The following RALGAPA1 variants were observed in gnomAD, a reference collection of about 807,000 sequenced individuals.
The protein encoded by RALGAPA1 is Ral GTPase activating protein catalytic subunit alpha 1.
In RALGAPA1, 52 loss-of-function variants were observed where a neutral mutation model predicts 269.6. The observed-to-expected ratio is 0.19, with a 90% CI of 0.15 to 0.24. The LOEUF (loss-of-function observed/expected upper bound fraction) is 0.24. Ranked by LOEUF, RALGAPA1 falls within the 10% of genes least tolerant of loss-of-function variation. RALGAPA1 has a pLI of 1.00. For synonymous variants in RALGAPA1, 817 were observed against 1,008.3 expected (o/e 0.81, Z 3.60); for missense variants, 1,917 against 3,013.9 (o/e 0.64, Z 8.52).
chr14:35,586,774 G>A (rs2058322836), intron 37 of RALGAPA1, among the ~76,000 whole-genome samples: 1 of 152,164 alleles, frequency 6.6e-6, no homozygotes, highest in African/African-American at 2.4e-5. Context: ...ATTGATTTGT[G>A]TATGTTGAAC....
intron 1 of RALGAPA1, among the ~76,000 whole-genome samples, chr14:35,799,959 G>C (rs1057451222): frequency 2.0e-5 from 3 of 152,116 alleles, no homozygotes; most frequent in African/African-American, 7.2e-5. Context: ...TAATATCAAA[G>C]TAGATTCCAA....
intron 35 of RALGAPA1, among the ~76,000 whole-genome samples, chr14:35,612,569 T>C (rs1421997144): frequency 4.0e-5 from 6 of 150,692 alleles, no homozygotes; most frequent in African/African-American, 9.7e-5. Flanking sequence ...GACAGAGTCT[T>C]GCTCTGTCGC....
chr14:35,649,309 A>C (rs567274160), intron 31 of RALGAPA1, among the ~76,000 whole-genome samples: 15 of 152,316 alleles, frequency 9.8e-5, no homozygotes, highest in Middle Eastern at 6.8e-3. Context: ...GATGATTTTA[A>C]TAATAATCAC....
intron 4 of RALGAPA1, among the ~76,000 whole-genome samples, chr14:35,770,100 T>C (rs2074503196): frequency 6.6e-6 from 1 of 152,126 alleles, no homozygotes; most frequent in African/African-American, 2.4e-5. Context: ...GGAAAGTTGG[T>C]TTAACATTTG....
At chr14:35,782,413 A>G (rs965793238) in intron 1 of RALGAPA1, among the ~76,000 whole-genome samples, 2 of 151,862 alleles carry the variant, frequency 1.3e-5, no homozygotes, top group East Asian at 1.9e-4. Flanking sequence ...GATTCAATGT[A>G]CTCTTTTTTT....
chr14:35,586,677 C>T (rs1032705891), intron 37 of RALGAPA1, among the ~76,000 whole-genome samples: 12 of 152,096 alleles, frequency 7.9e-5, no homozygotes, highest in African/African-American at 2.4e-4. Context: ...TGAATTTTGT[C>T]GAAGGCCTTT....
At chr14:35,721,161 A>G (rs1341297912) in intron 16 of RALGAPA1, among the ~76,000 whole-genome samples, 1 of 152,098 alleles carries the variant, frequency 6.6e-6, no homozygotes, top group Non-Finnish European at 1.5e-5. Context: ...CTTTGCTGCT[A>G]TTTCCCAGGT....
At chr14:35,703,060 CT>C (rs1197077901) in intron 16 of RALGAPA1, among the ~76,000 whole-genome samples, 5 of 152,062 alleles carry the variant, frequency 3.3e-5, no homozygotes, top group Admixed American at 2.0e-4. Flanking sequence ...ATAACAACTC[CT>C]TTTTTTCTTT....
At chr14:35,673,929 A>G (rs1464661187) in intron 24 of RALGAPA1, among the ~76,000 whole-genome samples, 1 of 152,176 alleles carries the variant, frequency 6.6e-6, no homozygotes, top group African/African-American at 2.4e-5. Flanking sequence ...CAAAGTTTAT[A>G]CTTCAGTTAA....
chr14:35,671,907 C>T (rs1256725000), intron 25 of RALGAPA1, among the ~76,000 whole-genome samples: 2 of 152,130 alleles, frequency 1.3e-5, no homozygotes, highest in East Asian at 1.9e-4. Flanking sequence ...TGACCCGTTA[C>T]GTGACAATTG....
rs184816800 is a variant in RALGAPA1 at position 35,783,418 on chromosome 14, C to T, written c.107-7673G>A. ...ACAGTTGAAAAGAATGAAGACTATA[C>T]TTGAAAAATTAACTCAAAATGGATC... On this transcript the variant is annotated intron_variant, in intron 1 of 41. Transcript: ENST00000680220. Among the ~76,000 whole-genome samples, 455 of 152,134 alleles carry T rather than the reference C, an allele frequency of 3.0e-3. 7 individuals are homozygous for T. The highest frequency in any genetic ancestry group is 0.011 in the African/African-American group (442 of 41,526).
At chr14:35,686,486 A>G in intron 19 of RALGAPA1, 56 bp downstream of exon 19, 1 of 1,455,976 alleles carries the variant, frequency 6.9e-7, no homozygotes, top group Middle Eastern at 2.5e-4. Context: ...ATAGGTATAT[A>G]TCTGTTAGTT....
At chr14:35,673,127 A>G (rs566472288) in intron 24 of RALGAPA1, 105 bp from the exon 25 acceptor site, 88 of 1,177,800 alleles carry the variant, frequency 7.5e-5, no homozygotes, top group Non-Finnish European at 8.7e-5. Context: ...ATTTATTTCC[A>G]TGTTGGCCCA....
chr14:35,738,775 G>A, intron 11 of RALGAPA1, 125 bp from the exon 12 acceptor site: 2 of 680,548 alleles, frequency 2.9e-6, no homozygotes, highest in Middle Eastern at 2.8e-4. Flanking sequence ...TCTCAAAATA[G>A]ATGATGTCTT....
chr14:35,768,132 G>C (rs1447800114), intron 4 of RALGAPA1, among the ~76,000 whole-genome samples: 1 of 152,132 alleles, frequency 6.6e-6, no homozygotes, highest in East Asian at 1.9e-4. Flanking sequence ...GAGTGTAGCA[G>C]TGTGATCACA....
At chr14:35,554,578 C>A (rs990019923) in intron 39 of RALGAPA1, among the ~76,000 whole-genome samples, 1 of 151,642 alleles carries the variant, frequency 6.6e-6, no homozygotes, top group Non-Finnish European at 1.5e-5. Flanking sequence ...GATCTCCTGA[C>A]CTCGTGATCC....
chr14:35,594,205 G>A (rs1048865776), intron 37 of RALGAPA1, among the ~76,000 whole-genome samples: 1 of 152,006 alleles, frequency 6.6e-6, no homozygotes, highest in Admixed American at 6.6e-5. Flanking sequence ...CTTGATACTG[G>A]CCTTGGCAAT....
chr14:35,702,673 A>T (rs1175276968), intron 16 of RALGAPA1, among the ~76,000 whole-genome samples: 2 of 151,510 alleles, frequency 1.3e-5, no homozygotes, highest in African/African-American at 4.8e-5. Context: ...GTGTTGTTAC[A>T]CAGAGGGTGA....
chr14:35,727,139 T>C (rs963240337), intron 13 of RALGAPA1, among the ~76,000 whole-genome samples: 4 of 151,596 alleles, frequency 2.6e-5, no homozygotes, highest in African/African-American at 9.7e-5. Flanking sequence ...GTAGTCTTCT[T>C]TCTTAAAAAA....
Sources: gnomAD v4.1 joint callset for allele counts (sites outside exome capture counted in the v4.1 genomes callset) on GRCh38, gnomAD v4.1.1 for gene constraint, MANE v1.5 for transcripts, NCBI Gene and HGNC (gene_info 2026-07-23, HGNC 2026-07-21) for gene names.